The following PTPRD variants were observed in gnomAD, a reference collection of about 807,000 sequenced individuals.
PTPRD encodes the protein receptor-type tyrosine-protein phosphatase delta.
Under a neutral mutation model 214.5 loss-of-function variants are expected in PTPRD, and 34 were observed. The ratio of observed to expected loss-of-function variants is 0.16; its 90% confidence interval spans 0.12 to 0.21. The LOEUF is 0.21. PTPRD is among the 10% of genes least tolerant of loss of function. The probability of loss-of-function intolerance (pLI) is 1.00; values close to 1 mark genes in which losing one functional copy is unlikely to be tolerated. For missense variants in PTPRD, 2,545 were observed against 2,398.7 expected, an observed-to-expected ratio of 1.06 and a Z score of -1.27; for synonymous variants, 1,128 against 845.7, an observed-to-expected ratio of 1.33 and a Z score of -5.79.
intron 36 of PTPRD, among the ~76,000 whole-genome samples, chr9:8,395,997 T>C (rs748135530): frequency 2.3e-4 from 35 of 151,858 alleles, no homozygotes; most frequent in Non-Finnish European, 1.0e-4. Flanking sequence ...CATCATGGAG[T>C]TGTGGTCCAA....
At chr9:10,122,306 T>G (rs1429248641) in intron 3 of PTPRD, among the ~76,000 whole-genome samples, 1 of 152,046 alleles carries the variant, frequency 6.6e-6, no homozygotes, top group African/African-American at 2.4e-5. Flanking sequence ...AAACTCCATC[T>G]CAAAAAAAAT....
chr9:10,510,644 G>A (rs2047682795), intron 2 of PTPRD, among the ~76,000 whole-genome samples: 1 of 152,110 alleles, frequency 6.6e-6, no homozygotes, highest in Non-Finnish European at 1.5e-5. Flanking sequence ...CATGCAAGGT[G>A]TAATGATCTT....
intron 19 of PTPRD, among the ~76,000 whole-genome samples, chr9:8,522,590 TAAGAG>T (rs749102347): frequency 6.6e-6 from 1 of 152,194 alleles, no homozygotes; most frequent in Non-Finnish European, 1.5e-5. Context: ...GACATGACAT[TAAGAG>T]AAGAGATCAT....
At chr9:8,726,026 GACACACACACACACACACAC>G (rs71500962) in intron 12 of PTPRD, among the ~76,000 whole-genome samples, 2 of 139,512 alleles carry the variant, frequency 1.4e-5, no homozygotes, top group Non-Finnish European at 3.1e-5. Flanking sequence ...CAGACAGACA[GACACACACACACACACACAC>G]ACACACACAC....
At chr9:9,706,339 T>C (rs12002618) in intron 7 of PTPRD, among the ~76,000 whole-genome samples, 8,574 of 152,268 alleles carry the variant, frequency 0.056, 733 homozygotes, top group African/African-American at 0.19. Flanking sequence ...GATTTATTTC[T>C]CATGAAGTTT....
At chr9:10,558,118 G>C (rs906109053) in intron 2 of PTPRD, among the ~76,000 whole-genome samples, 4 of 152,198 alleles carry the variant, frequency 2.6e-5, no homozygotes, top group Admixed American at 2.6e-4. Context: ...AACTGGACAA[G>C]GCTAATATGC....
intron 10 of PTPRD, among the ~76,000 whole-genome samples, chr9:9,109,370 A>G (rs1591764263): frequency 6.6e-6 from 1 of 152,256 alleles, no homozygotes; most frequent in East Asian, 1.9e-4. Context: ...TGGTGTCAGT[A>G]AGCTCTGAGA....
chr9:9,317,244 T>C (rs1025102550), intron 9 of PTPRD, among the ~76,000 whole-genome samples: 3 of 152,210 alleles, frequency 2.0e-5, no homozygotes, highest in African/African-American at 7.2e-5. Context: ...CTCATGCTTA[T>C]GCTTCAACCT....
chr9:10,474,766 G>A (rs2099052150), intron 2 of PTPRD, among the ~76,000 whole-genome samples: 1 of 151,998 alleles, frequency 6.6e-6, no homozygotes, highest in African/African-American at 2.4e-5. Context: ...CAAAAGAATG[G>A]AAATCATAAC....
chr9:8,464,244 C>A (rs2096493591), intron 32 of PTPRD, among the ~76,000 whole-genome samples: 1 of 151,842 alleles, frequency 6.6e-6, no homozygotes, highest in Non-Finnish European at 1.5e-5. Flanking sequence ...GTTCCTAGAG[C>A]TATTAAAAGA....
At chr9:9,045,332 C>T (rs559451143) in intron 10 of PTPRD, among the ~76,000 whole-genome samples, 2 of 152,182 alleles carry the variant, frequency 1.3e-5, no homozygotes, top group East Asian at 1.9e-4. Flanking sequence ...TTCTCTTTAG[C>T]ACTTCTCAGT....
intron 3 of PTPRD, among the ~76,000 whole-genome samples, chr9:10,261,090 T>G (rs1290150315): frequency 3.4e-5 from 5 of 145,962 alleles, no homozygotes; most frequent in Non-Finnish European, 6.1e-5. Flanking sequence ...TGTATATATA[T>G]ATATATAGAG....
intron 3 of PTPRD, among the ~76,000 whole-genome samples, chr9:10,244,392 G>C (rs2091710875): frequency 6.6e-6 from 1 of 152,112 alleles, no homozygotes; most frequent in South Asian, 2.1e-4. Context: ...ATAAAGGTCT[G>C]TTAGACCCTG....
chr9:9,223,395 C>A (rs932258045), intron 9 of PTPRD, among the ~76,000 whole-genome samples: 1 of 151,932 alleles, frequency 6.6e-6, no homozygotes. Context: ...AAGATGAATT[C>A]CACACTTTAG....
At chr9:8,525,387 G>T (rs1051971631) in intron 17 of PTPRD, among the ~76,000 whole-genome samples, 31 of 151,862 alleles carry the variant, frequency 2.0e-4, no homozygotes, top group Non-Finnish European at 3.7e-4. Context: ...TTAATTTTTG[G>T]TTTTGTTTTG....
intron 14 of PTPRD, among the ~76,000 whole-genome samples, chr9:8,600,343 C>T (rs1453632112): frequency 1.3e-5 from 2 of 152,144 alleles, no homozygotes; most frequent in East Asian, 1.9e-4. Flanking sequence ...GCCACAAATA[C>T]TGAAATTCCT....
chr9:8,426,370 G>A (rs923865735), intron 35 of PTPRD, among the ~76,000 whole-genome samples: 1 of 152,094 alleles, frequency 6.6e-6, no homozygotes, highest in Non-Finnish European at 1.5e-5. Context: ...CATCCACTAT[G>A]GCATCCCTCT....
At chr9:9,107,456 AC>A (rs1591734417) in intron 10 of PTPRD, among the ~76,000 whole-genome samples, 1 of 152,136 alleles carries the variant, frequency 6.6e-6, no homozygotes, top group East Asian at 1.9e-4. Flanking sequence ...GAGACTTATA[AC>A]CTTTACCTGA....
intron 3 of PTPRD, among the ~76,000 whole-genome samples, chr9:10,227,226 G>A (rs758888278): frequency 4.6e-5 from 7 of 151,980 alleles, no homozygotes; most frequent in Non-Finnish European, 7.4e-5. Context: ...TAGTGTGAGA[G>A]GATGTGAAAT....
Sources: allele counts gnomAD v4.1 joint callset (sites outside exome capture counted in the v4.1 genomes callset), GRCh38; gene constraint gnomAD v4.1.1; transcripts MANE v1.5; gene names NCBI Gene and HGNC (gene_info 2026-07-23, HGNC 2026-07-21).